DNAH5: variants seen among roughly 807,000 people sequenced by gnomAD.
DNAH5 encodes axonemal beta dynein heavy chain 5.
DNAH5 carries 372 observed loss-of-function variants against 518.2 expected under a neutral mutation model. The observed-to-expected ratio is 0.72, with a 90% CI of 0.66 to 0.78. The LOEUF (loss-of-function observed/expected upper bound fraction) is 0.78. Among genes scored for constraint, DNAH5 ranks in the 30% least tolerant of loss-of-function variants. The pLI, the probability that DNAH5 is intolerant of heterozygous loss-of-function variation, is 0.00. For missense variants in DNAH5, 5,523 were observed against 5,687.0 expected, an observed-to-expected ratio of 0.97 and a Z score of 0.93; for synonymous variants, 2,039 against 2,025.9, an observed-to-expected ratio of 1.01 and a Z score of -0.17.
In DNAH5 at chr5:13,737,386, G is replaced by A; in HGVS notation, c.11321C>T (p.Ser3774Phe). 6.2e-7 allele frequency: 1 copy of A among 1,614,112 alleles called. No individual in the cohort carries two copies. The highest frequency in any genetic ancestry group is 8.5e-7 in the Non-Finnish European group (1 of 1,180,008). ...AATGAGACTTTCATCTTCTACCAGG[G>A]ACCCCTGGGTACTTGTCAGGCGGTA... is the stretch of plus-strand genomic sequence containing the variant. ...LLYRLTSTQG[S>F]LVEDESLIVV... The change falls in exon 66 of 79, where the codon TCC (serine) becomes TTC (phenylalanine). Residue 3774 changes from serine to phenylalanine, a missense_variant. By Grantham distance (155) the Ser-to-Phe change is radical. Transcript: ENST00000265104.
chr5:13,730,636 G>T (rs551547651), intron 68 of DNAH5, among the ~76,000 whole-genome samples: 1 of 150,528 alleles, frequency 6.6e-6, no homozygotes, highest in Non-Finnish European at 1.5e-5. Context: ...AGGTTTCACC[G>T]TGTTAGCCAG....
chr5:13,865,120 G>A (rs13168996), intron 27 of DNAH5, among the ~76,000 whole-genome samples: 228 of 148,902 alleles, frequency 1.5e-3, no homozygotes, highest in African/African-American at 5.5e-3. Context: ...TCAGCCTCCC[G>A]AGTAGCTGGG....
chr5:13,967,362 G>A (rs945456006), intron 1 of DNAH5, among the ~76,000 whole-genome samples: 1 of 152,150 alleles, frequency 6.6e-6, no homozygotes, highest in Non-Finnish European at 1.5e-5. Flanking sequence ...TGTAAGGTGA[G>A]AGTTGAGGAT....
chr5:13,953,889 G>A, intron 1 of DNAH5, among the ~76,000 whole-genome samples: 1 of 152,056 alleles, frequency 6.6e-6, no homozygotes. Flanking sequence ...TGTATTTTTG[G>A]TAGAGACGAG....
chr5:13,812,825 A>G (rs1485483394), intron 43 of DNAH5, among the ~76,000 whole-genome samples: 2 of 152,228 alleles, frequency 1.3e-5, no homozygotes, highest in Non-Finnish European at 1.5e-5. Flanking sequence ...TCTTAAGGTC[A>G]AGAGATCAGC....
At position 13,919,289 on chromosome 5, in the gene DNAH5, C is replaced by G; in HGVS notation, c.862G>C (p.Glu288Gln). Residue 288 changes from glutamate to glutamine, a missense_variant, in exon 7 of 79, where the codon GAG (glutamate) becomes CAG (glutamine). Physicochemically the swap from Glu to Gln is conservative, Grantham distance 29. This residue lies in a region of DNAH5 where 5,121 missense variants were observed against 5,223.3 expected (regional missense o/e 0.98). Transcript: ENST00000265104. ...ADDVGPRAEL[E>Q]HWKKRLSKFN... ...TTGGAGAGTCTTTTTTTCCAGTGCT[C>G]CAGCTCCGCTCGTGGCCCAACGTCA... 6.2e-7 allele frequency: 1 copy of G among 1,614,146 alleles called. No homozygotes were observed. Among genetic ancestry groups the G allele is most frequent in the Non-Finnish European group, 8.5e-7 (1 of 1,180,016 alleles).
intron 68 of DNAH5, among the ~76,000 whole-genome samples, chr5:13,733,461 G>A (rs1216451225): frequency 6.6e-6 from 1 of 152,138 alleles, no homozygotes; most frequent in East Asian, 1.9e-4. Context: ...ACTGAGGCCA[G>A]AAATTAGTAA....
At chr5:13,962,981 G>A (rs554049196) in intron 1 of DNAH5, among the ~76,000 whole-genome samples, 40 of 152,178 alleles carry the variant, frequency 2.6e-4, no homozygotes, top group African/African-American at 7.2e-4. Context: ...CACAGTCGCC[G>A]CGTCCCAAGA....
At chr5:13,811,979 C>T (rs965865035) in intron 43 of DNAH5, among the ~76,000 whole-genome samples, 156 bp from the exon 44 acceptor site, 1 of 152,268 alleles carries the variant, frequency 6.6e-6, no homozygotes, top group South Asian at 2.1e-4. Context: ...AACTCTTCCA[C>T]GTATTAATTC....
intron 75 of DNAH5, among the ~76,000 whole-genome samples, chr5:13,712,126 T>C (rs111662875): frequency 1.1e-4 from 17 of 152,198 alleles, no homozygotes; most frequent in African/African-American, 3.4e-4. Context: ...AATAGGCACA[T>C]AGACCAACTG....
At position 13,870,826 on chromosome 5, in the gene DNAH5, C is replaced by G; in HGVS notation, c.3775G>C (p.Ala1259Pro). ...DLDDIRIAMAALKEIREEQIS... is the reference protein window; with the variant it reads ...DLDDIRIAMAPLKEIREEQIS... ...TGCTCCTCCCTTATTTCTTTCAGCG[C>G]TGCCATTGCAATCCGAATATCATCT... The change falls in exon 24 of 79, where the codon GCG (alanine) becomes CCG (proline). Residue 1259 changes from alanine to proline, a missense_variant. Transcript: ENST00000265104. 1 of 1,613,880 alleles carries G rather than the reference C, an allele frequency of 6.2e-7. No homozygotes were observed. Among genetic ancestry groups the G allele is most frequent in the Non-Finnish European group, 8.5e-7 (1 of 1,179,852 alleles).
At chr5:13,890,911 A>C in intron 17 of DNAH5, 65 bp downstream of exon 17, 1 of 1,590,118 alleles carries the variant, frequency 6.3e-7, no homozygotes, top group Non-Finnish European at 8.6e-7. Context: ...ACTTCAAAAA[A>C]GTGACCTTTA....
chr5:13,994,876 A>G (rs916483900), intron 1 of DNAH5, among the ~76,000 whole-genome samples: 1 of 152,232 alleles, frequency 6.6e-6, no homozygotes, highest in African/African-American at 2.4e-5. Context: ...CACTGGGAAC[A>G]GCTGCTTGTG....
At position 13,914,640 on chromosome 5, in the gene DNAH5, CA is replaced by C. The variant is rs763755810; in HGVS notation, c.1199del (p.Val400GlyfsTer39). 2 of 1,612,680 alleles carry C rather than the reference CA, an allele frequency of 1.2e-6. No homozygotes were observed. The highest frequency in any genetic ancestry group is 2.2e-5 in the South Asian group (2 of 91,008). On this transcript the variant is annotated frameshift_variant and splice_region_variant, in exon 10 of 79. Coordinates refer to ENST00000265104, the MANE Select transcript of DNAH5 (RefSeq NM_001369.3). LOFTEE classifies it high-confidence loss of function. Reference sequence around the variant, plus strand: ...TACATGCAGATATAATCTGATTTGTCACCTGGGATTTTCCAATAAAATGATG... The same window carrying C: ...TACATGCAGATATAATCTGATTTGTCCCTGGGATTTTCCAATAAAATGATG... Reference protein sequence around the residue: ...SEKITSLFVKVTNQIISACKA... With the variant: ...SEKITSLFVKXTNQIISACKA...
At chr5:13,719,207 T>C in intron 71 of DNAH5, 106 bp from the exon 72 acceptor site, 1 of 914,748 alleles carries the variant, frequency 1.1e-6, no homozygotes, top group Non-Finnish European at 1.7e-6. Context: ...AGGAAAACAC[T>C]AACCATTTTA....
upstream of DNAH5, among the ~76,000 whole-genome samples, chr5:13,949,047 A>G (rs1437337592): frequency 6.6e-6 from 1 of 152,206 alleles, no homozygotes; most frequent in African/African-American, 2.4e-5. Context: ...ACAAATAACA[A>G]TGGAACTTGA....
At chr5:13,793,493 C>G in intron 49 of DNAH5, 22 bp downstream of exon 49, 1 of 1,601,346 alleles carries the variant, frequency 6.2e-7, no homozygotes. Flanking sequence ...ACCCTCCCAC[C>G]CCACATCCTC....
chr5:13,971,802 TA>T (rs1478079510), intron 1 of DNAH5, among the ~76,000 whole-genome samples: 1 of 152,068 alleles, frequency 6.6e-6, no homozygotes, highest in African/African-American at 2.4e-5. Flanking sequence ...TGTGGTAGTA[TA>T]GGGAGGATAC....
In DNAH5 at chr5:13,854,160, C is replaced by T. The variant is rs192308026; in HGVS notation, c.4951-3345G>A. Among the ~76,000 whole-genome samples the T allele has an allele frequency of 7.6e-4, 116 of 152,286 alleles. 1 individual carries two copies. The highest frequency in any genetic ancestry group is 2.6e-3 in the African/African-American group (110 of 41,556). ...TACCCACAAAGGGAAGCCCATTAGA[C>T]TAACAGTGGATCTCTCTGCAGAAAC... On this transcript the variant is annotated intron_variant, in intron 30 of 78. Coordinates refer to ENST00000265104, the MANE Select transcript of DNAH5 (RefSeq NM_001369.3).
Sources: allele counts gnomAD v4.1 joint callset (sites outside exome capture counted in the v4.1 genomes callset), GRCh38; gene constraint gnomAD v4.1.1; regional missense constraint gnomAD v4.1.1; transcripts MANE v1.5; gene names NCBI Gene and HGNC (gene_info 2026-07-23, HGNC 2026-07-21).